Variants in SPIDR observed in about 807,000 individuals in gnomAD.
SPIDR encodes scaffold protein involved in DNA repair.
A neutral mutation model predicts 104.6 loss-of-function variants in SPIDR; 93 were observed. The observed-to-expected ratio is 0.89, with a 90% confidence interval of 0.75 to 1.06. SPIDR has a LOEUF of 1.06. Ranked by LOEUF, SPIDR falls within the 50% of genes least tolerant of loss-of-function variation. The probability of loss-of-function intolerance (pLI) is 0.00; values close to 1 mark genes in which losing one functional copy is unlikely to be tolerated. For synonymous variants in SPIDR, 431 were observed against 416.9 expected (o/e 1.03, Z -0.41); for missense variants, 1,154 against 1,111.2 (o/e 1.04, Z -0.55).
chr8:47,291,018 C>G lies in SPIDR; in HGVS notation c.257-15C>G. 1 of 1,592,176 alleles carries G rather than the reference C, an allele frequency of 6.3e-7. No homozygotes were observed. The highest frequency in any genetic ancestry group is 8.6e-7 in the Non-Finnish European group (1 of 1,164,524). On this transcript the variant is annotated splice_polypyrimidine_tract_variant and intron_variant, in intron 3 of 19. Coordinates refer to ENST00000297423, the MANE Select transcript of SPIDR (RefSeq NM_001080394.4). ...TAAGGAGATCATATTTATGTGCTTT[C>G]TTTTCCTTCAACAGAAACCACCACA... is the stretch of plus-strand genomic sequence containing the variant.
chr8:47,463,581 G>A (rs2074298585), intron 8 of SPIDR, among the ~76,000 whole-genome samples: 1 of 151,988 alleles, frequency 6.6e-6, no homozygotes, highest in Admixed American at 6.6e-5. Context: ...AAGAAAACTG[G>A]AGACCAGTAT....
chr8:47,569,262 TAAG>T lies in SPIDR; in HGVS notation c.1098-26545_1098-26543del, dbSNP rs549594428. Among the ~76,000 whole-genome samples, 1,411 of 152,128 alleles carry T rather than the reference TAAG, an allele frequency of 9.3e-3. 15 individuals carry two copies. The highest frequency in any genetic ancestry group is 0.024 in the Middle Eastern group (7 of 294). ...CACCTAACAAAGGTGCCCCAGAATA[TAAG>T]AAGTAAAAATTGACAGAGTCAAAGG... is the stretch of plus-strand genomic sequence containing the variant. On this transcript the variant is annotated intron_variant, in intron 8 of 19. Transcript: ENST00000297423.
chr8:47,641,576 A>G (rs545865603), intron 10 of SPIDR, among the ~76,000 whole-genome samples: 18 of 152,348 alleles, frequency 1.2e-4, no homozygotes, highest in African/African-American at 4.3e-4. Context: ...TAAAGTAATA[A>G]TGCTAAGCTT....
intron 5 of SPIDR, among the ~76,000 whole-genome samples, chr8:47,340,090 A>G (rs557959561): frequency 6.6e-6 from 1 of 152,024 alleles, no homozygotes; most frequent in South Asian, 2.1e-4. Context: ...CCAGTTTTTC[A>G]TGTTTATTAT....
chr8:47,470,032 G>A (rs1486985302), intron 8 of SPIDR, among the ~76,000 whole-genome samples: 4 of 152,096 alleles, frequency 2.6e-5, no homozygotes, highest in African/African-American at 9.7e-5. Context: ...AATTCCAACA[G>A]CATTTTTGTA....
intron 8 of SPIDR, among the ~76,000 whole-genome samples, chr8:47,456,775 C>T (rs1462314424): frequency 6.6e-6 from 1 of 152,092 alleles, no homozygotes; most frequent in African/African-American, 2.4e-5. Context: ...CCTTCCCCAA[C>T]CCCCAAAGTC....
intron 8 of SPIDR, chr8:47,512,075 A>AGGCCC (rs1401330508): frequency 2.6e-5 from 16 of 619,538 alleles, no homozygotes; most frequent in Non-Finnish European, 4.7e-5. Context: ...AGGAAGAAGC[A>AGGCCC]GGCCCGGTCC....
At chr8:47,358,962 G>A (rs1587648979) in intron 5 of SPIDR, among the ~76,000 whole-genome samples, 1 of 152,038 alleles carries the variant, frequency 6.6e-6, no homozygotes, top group Admixed American at 6.6e-5. Context: ...GAGGCAATTG[G>A]AGTTAACATT....
At chr8:47,410,929 G>A (rs997207584) in intron 7 of SPIDR, among the ~76,000 whole-genome samples, 6 of 152,082 alleles carry the variant, frequency 3.9e-5, no homozygotes, top group African/African-American at 9.7e-5. Flanking sequence ...TTGTCCTTGC[G>A]ATAGTTTGCT....
At position 47,729,016 on chromosome 8, in the gene SPIDR, G is replaced by C. The variant is rs767386373; in HGVS notation, c.2519G>C (p.Arg840Pro). The C allele has an allele frequency of 6.2e-6, 10 of 1,613,856 alleles. No individual in the cohort carries two copies. In the African/African-American group the frequency reaches 1.3e-4, roughly 22 times the overall value. Residue 840 changes from arginine to proline, a missense_variant, in exon 18 of 20, where the codon CGC (arginine) becomes CCC (proline). Arg to Pro is a moderately radical substitution (Grantham distance 103). Transcript: ENST00000297423. ...CACCTGCAGGTCTTCCTGGACTGCC[G>C]CTCAAGACCGCAGTGCAGAGTGAAG... ...KRHLQVFLDC[R>P]SRPQCRVKVK...
intron 8 of SPIDR, among the ~76,000 whole-genome samples, chr8:47,517,051 C>A: frequency 6.6e-6 from 1 of 152,116 alleles, no homozygotes; most frequent in East Asian, 1.9e-4. Flanking sequence ...GTGGCACGAT[C>A]TCGGCTCACT....
At chr8:47,298,063 C>A (rs1378947505) in intron 5 of SPIDR, among the ~76,000 whole-genome samples, 3 of 152,166 alleles carry the variant, frequency 2.0e-5, no homozygotes, top group Non-Finnish European at 4.4e-5. Context: ...AACTAGTTTA[C>A]ACTCCCACCA....
At chr8:47,390,913 T>C (rs782107709) in intron 5 of SPIDR, among the ~76,000 whole-genome samples, 1 of 152,174 alleles carries the variant, frequency 6.6e-6, no homozygotes, top group Non-Finnish European at 1.5e-5. Context: ...AAAGGAAATA[T>C]AAGCTTGAAC....
chr8:47,275,845 TTTTGTTTTTGTTTTTTGTTGG>T (rs2036320150), intron 1 of SPIDR, among the ~76,000 whole-genome samples: 1 of 152,116 alleles, frequency 6.6e-6, no homozygotes, highest in African/African-American at 2.4e-5. Flanking sequence ...TGTTTTTTGT[TTTTGTTTTTGTTTTTTGTTGG>T]TTTGTTTGAG....
chr8:47,275,271 AAAAAG>A (rs2036183348), intron 1 of SPIDR, among the ~76,000 whole-genome samples: 1 of 152,096 alleles, frequency 6.6e-6, no homozygotes, highest in African/African-American at 2.4e-5. Context: ...AAAAAAAAGA[AAAAAG>A]AAAATATCCC....
intron 10 of SPIDR, chr8:47,661,025 G>A (rs779958272): frequency 8.0e-5 from 75 of 937,532 alleles, no homozygotes; most frequent in Non-Finnish European, 8.9e-5. Context: ...CCTAGTGTCC[G>A]TGTCCATTCG....
intron 7 of SPIDR, among the ~76,000 whole-genome samples, chr8:47,424,009 T>C (rs1425282941): frequency 1.3e-5 from 2 of 152,186 alleles, no homozygotes; most frequent in Non-Finnish European, 2.9e-5. Flanking sequence ...TAGGTCCTGC[T>C]CTCCTTATTT....
chr8:47,474,412 A>G (rs999484511), intron 8 of SPIDR, among the ~76,000 whole-genome samples: 3 of 152,198 alleles, frequency 2.0e-5, no homozygotes, highest in Non-Finnish European at 4.4e-5. Context: ...TTGTGGGAAT[A>G]ATGCAAAGGG....
chr8:47,269,581 A>G (rs1046105013), intron 1 of SPIDR, among the ~76,000 whole-genome samples: 81 of 152,036 alleles, frequency 5.3e-4, no homozygotes, highest in African/African-American at 1.8e-3. Flanking sequence ...AAAAAAAAAA[A>G]AAAAGAAAGA....
Sources: gnomAD v4.1 joint callset for allele counts (sites outside exome capture counted in the v4.1 genomes callset) on GRCh38, gnomAD v4.1.1 for gene constraint, MANE v1.5 for transcripts, NCBI Gene and HGNC (gene_info 2026-07-23, HGNC 2026-07-21) for gene names.